The following JAZF1 variants were observed in gnomAD, a reference collection of about 807,000 sequenced individuals.
The protein encoded by JAZF1 is JAZF zinc finger 1.
In JAZF1, 8 loss-of-function variants were observed where a neutral mutation model predicts 26.4. That is an observed-to-expected ratio of 0.30 (90% CI 0.18 to 0.55). JAZF1 has a LOEUF of 0.55. Ranked by LOEUF, JAZF1 falls within the 20% of genes least tolerant of loss-of-function variation. The probability of loss-of-function intolerance (pLI) is 0.94; values close to 1 mark genes in which losing one functional copy is unlikely to be tolerated. For synonymous variants in JAZF1, 126 were observed against 122.3 expected (o/e 1.03, Z -0.20); for missense variants, 199 against 322.0 (o/e 0.62, Z 2.92).
chr7:28,021,804 G>A (rs144034795), intron 1 of JAZF1, among the ~76,000 whole-genome samples: 1 of 152,216 alleles, frequency 6.6e-6, no homozygotes, highest in African/African-American at 2.4e-5. Flanking sequence ...AGGGCCCACA[G>A]TTCGTCACCA....
intron 3 of JAZF1, among the ~76,000 whole-genome samples, chr7:27,891,749 G>C (rs1583450563): frequency 6.6e-6 from 1 of 152,258 alleles, no homozygotes; most frequent in Non-Finnish European, 1.5e-5. Context: ...TACACAGGAG[G>C]CTGAGCCCAG....
chr7:28,038,476 G>C (rs919219637), intron 1 of JAZF1, among the ~76,000 whole-genome samples: 1 of 152,122 alleles, frequency 6.6e-6, no homozygotes, highest in Non-Finnish European at 1.5e-5. Context: ...TACGGAATTT[G>C]TTGTTTTCTT....
chr7:27,916,963 G>C (rs890719346), intron 2 of JAZF1, among the ~76,000 whole-genome samples: 1 of 152,198 alleles, frequency 6.6e-6, no homozygotes, highest in Non-Finnish European at 1.5e-5. Flanking sequence ...ACTAGGCCTG[G>C]CACAATGGCT....
chr7:28,172,557 T>C (rs1171915028), intron 1 of JAZF1, among the ~76,000 whole-genome samples: 2 of 152,216 alleles, frequency 1.3e-5, no homozygotes, highest in Non-Finnish European at 2.9e-5. Flanking sequence ...TATTATTGAG[T>C]ATATTCCTAA....
At chr7:27,852,828 T>G (rs1783176032) in intron 3 of JAZF1, among the ~76,000 whole-genome samples, 1 of 152,218 alleles carries the variant, frequency 6.6e-6, no homozygotes. Flanking sequence ...TTTCAAAGAT[T>G]CAATTAATTA....
At chr7:27,996,528 G>C (rs1786021140) in intron 1 of JAZF1, among the ~76,000 whole-genome samples, 1 of 152,188 alleles carries the variant, frequency 6.6e-6, no homozygotes, top group Non-Finnish European at 1.5e-5. Context: ...ATCTGGGCTG[G>C]ATACGACACT....
chr7:27,952,762 G>A (rs1030031357), intron 2 of JAZF1, among the ~76,000 whole-genome samples: 17 of 152,134 alleles, frequency 1.1e-4, no homozygotes, highest in African/African-American at 3.9e-4. Context: ...TTCTTGTTAT[G>A]CACAGAAATG....
At chr7:27,920,552 T>C (rs1185577338) in intron 2 of JAZF1, among the ~76,000 whole-genome samples, 1 of 152,196 alleles carries the variant, frequency 6.6e-6, no homozygotes, top group African/African-American at 2.4e-5. Context: ...CTTCCCATCC[T>C]GACATCAGAA....
chr7:28,020,577 T>C (rs1393956430), intron 1 of JAZF1: 2 of 471,104 alleles, frequency 4.2e-6, no homozygotes, highest in Non-Finnish European at 8.8e-6. Flanking sequence ...GGCATGGACA[T>C]GCATATTCGT....
At chr7:28,091,502 A>C (rs1054821539) in intron 1 of JAZF1, among the ~76,000 whole-genome samples, 1 of 151,626 alleles carries the variant, frequency 6.6e-6, no homozygotes, top group Non-Finnish European at 1.5e-5. Context: ...TTGAGAAAAG[A>C]GAATACAGTT....
intron 2 of JAZF1, among the ~76,000 whole-genome samples, chr7:27,981,667 T>C (rs1785588060): frequency 6.6e-6 from 1 of 152,252 alleles, no homozygotes; most frequent in South Asian, 2.1e-4. Context: ...GGGAATGTGA[T>C]GTTTTAATTT....
intron 3 of JAZF1, among the ~76,000 whole-genome samples, chr7:27,850,907 A>G (rs185091779): frequency 5.9e-4 from 90 of 152,198 alleles, no homozygotes; most frequent in African/African-American, 9.6e-4. Flanking sequence ...AAATCTTTAG[A>G]TAGTATTAAA....
chr7:28,021,119 C>G (rs1412634140), intron 1 of JAZF1, among the ~76,000 whole-genome samples: 1 of 152,112 alleles, frequency 6.6e-6, no homozygotes, highest in East Asian at 1.9e-4. Flanking sequence ...AAGGGATGGG[C>G]AGGACCCCAT....
At chr7:27,957,154 T>A (rs192118431) in intron 2 of JAZF1, among the ~76,000 whole-genome samples, 1 of 132,606 alleles carries the variant, frequency 7.5e-6, no homozygotes, top group Non-Finnish European at 1.6e-5. Context: ...GTGAACTGAA[T>A]TTAAATCCTC....
chr7:28,074,772 G>C (rs1784026130), intron 1 of JAZF1, among the ~76,000 whole-genome samples: 2 of 152,066 alleles, frequency 1.3e-5, no homozygotes, highest in African/African-American at 2.4e-5. Context: ...TTTTTAAACT[G>C]TATTTCAAAT....
At chr7:28,060,358 T>C (rs941334136) in intron 1 of JAZF1, among the ~76,000 whole-genome samples, 2 of 152,188 alleles carry the variant, frequency 1.3e-5, no homozygotes, top group African/African-American at 2.4e-5. Context: ...GATTTATTTT[T>C]TGTGTGTGTT....
chr7:27,966,775 T>A (rs1486095653), intron 2 of JAZF1, among the ~76,000 whole-genome samples: 1 of 152,232 alleles, frequency 6.6e-6, no homozygotes, highest in Non-Finnish European at 1.5e-5. Context: ...AGGGGTAATT[T>A]TTTTTGTCCA....
At chr7:27,955,551 T>C (rs1358771769) in intron 2 of JAZF1, among the ~76,000 whole-genome samples, 1 of 152,260 alleles carries the variant, frequency 6.6e-6, no homozygotes, top group African/African-American at 2.4e-5. Flanking sequence ...TCAGGCTTTC[T>C]GTGAGTCAAT....
chr7:27,846,445 T>C (rs1229543168), intron 3 of JAZF1: 1 of 466,732 alleles, frequency 2.1e-6, no homozygotes, highest in Non-Finnish European at 4.4e-6. Flanking sequence ...TCTTGGTGCA[T>C]TCATCCACCG....
Sources: allele counts gnomAD v4.1 joint callset (sites outside exome capture counted in the v4.1 genomes callset), GRCh38; gene constraint gnomAD v4.1.1; transcripts MANE v1.5; gene names NCBI Gene and HGNC (gene_info 2026-07-23, HGNC 2026-07-21).